Variants in RFX3 observed in about 807,000 individuals in gnomAD.
RFX3 encodes regulatory factor X3.
RFX3 carries 14 observed loss-of-function variants against 98.6 expected under a neutral mutation model. The ratio of observed to expected loss-of-function variants is 0.14; its 90% CI spans 0.09 to 0.22. RFX3 has a LOEUF of 0.22. Among genes scored for constraint, RFX3 ranks in the 10% least tolerant of loss-of-function variants. The pLI is 1.00. For missense variants in RFX3, 639 were observed against 926.9 expected (o/e 0.69, Z 4.03); for synonymous variants, 383 against 328.4 (o/e 1.17, Z -1.80).
At chr9:3,335,844 C>T (rs1037370302) in intron 3 of RFX3, among the ~76,000 whole-genome samples, 3 of 152,052 alleles carry the variant, frequency 2.0e-5, no homozygotes, top group African/African-American at 4.8e-5. Flanking sequence ...TAATTTAGTG[C>T]CATTTGTTTC....
At chr9:3,278,827 G>C (rs1425133754) in intron 7 of RFX3, among the ~76,000 whole-genome samples, 1 of 151,810 alleles carries the variant, frequency 6.6e-6, no homozygotes, top group African/African-American at 2.4e-5. Context: ...AATAAAGTCA[G>C]AGGGGGAAGA....
intron 2 of RFX3, among the ~76,000 whole-genome samples, chr9:3,358,507 T>G (rs1191394207): frequency 6.6e-6 from 1 of 152,126 alleles, no homozygotes; most frequent in Admixed American, 6.6e-5. Flanking sequence ...TAAATACGTC[T>G]CTTGATCACA....
intron 13 of RFX3, among the ~76,000 whole-genome samples, chr9:3,258,366 C>T (rs1020726005): frequency 6.6e-6 from 1 of 152,098 alleles, no homozygotes; most frequent in African/African-American, 2.4e-5. Flanking sequence ...TTCAAATTAA[C>T]AACTTCAACT....
rs1564138983 is a variant in RFX3, at chr9:3,467,133, T to TATATGTATATACATATATATTATGTAC, written c.-9+58613_-9+58614insGTACATAATATATATGTATATACATAT. ...GTATATACATACATATATGTAAGTA[T>TATATGTATATACATATATATTATGTAC]ATATGTATATACATAATATATATGT... On this transcript the variant is annotated intron_variant, in intron 1 of 16. Transcript: ENST00000617270. 4.3e-3 allele frequency among the ~76,000 whole-genome samples: 615 copies of TATATGTATATACATATATATTATGTAC among 142,446 alleles called. 20 individuals carry two copies. Among genetic ancestry groups the TATATGTATATACATATATATTATGTAC allele is most frequent in the African/African-American group, 0.015 (579 of 37,756 alleles). 93.5% of individuals were successfully genotyped at this position (142,446 alleles called of 152,430 possible).
intron 1 of RFX3, chr9:3,469,122 T>C (rs1003649735): frequency 4.4e-6 from 2 of 450,966 alleles, no homozygotes; most frequent in Non-Finnish European, 8.9e-6. Context: ...ATGTTACAGA[T>C]GATCAAGGGA....
At chr9:3,243,613 T>C (rs1466812722) in intron 15 of RFX3, among the ~76,000 whole-genome samples, 1 of 152,212 alleles carries the variant, frequency 6.6e-6, no homozygotes, top group Admixed American at 6.5e-5. Context: ...GCTCAAATAA[T>C]GTAAGTAATG....
intron 2 of RFX3, among the ~76,000 whole-genome samples, chr9:3,378,861 T>C (rs1192402867): frequency 6.6e-6 from 1 of 152,122 alleles, no homozygotes; most frequent in African/African-American, 2.4e-5. Flanking sequence ...CGGCCTTCTT[T>C]CTCATATTCT....
chr9:3,250,223 A>C (rs1023865916), intron 14 of RFX3, among the ~76,000 whole-genome samples: 1 of 152,050 alleles, frequency 6.6e-6, no homozygotes, highest in Non-Finnish European at 1.5e-5. Context: ...ACTAACAAAG[A>C]CTTGAAATAA....
At chr9:3,515,230 A>G (rs1482950292) in intron 1 of RFX3, among the ~76,000 whole-genome samples, 1 of 152,200 alleles carries the variant, frequency 6.6e-6, no homozygotes, top group East Asian at 1.9e-4. Flanking sequence ...AAATTTGTGC[A>G]TGACTAAATC....
At chr9:3,448,750 C>G (rs1440140393) in intron 1 of RFX3, among the ~76,000 whole-genome samples, 1 of 152,152 alleles carries the variant, frequency 6.6e-6, no homozygotes, top group Admixed American at 6.5e-5. Flanking sequence ...AAACGCCTGG[C>G]CTCAAGTGAT....
At chr9:3,249,238 T>C (rs1183860196) in intron 14 of RFX3, among the ~76,000 whole-genome samples, 3 of 152,150 alleles carry the variant, frequency 2.0e-5, no homozygotes, top group Non-Finnish European at 4.4e-5. Flanking sequence ...GTTTTCTGTT[T>C]CATTTTTCAA....
intron 1 of RFX3, among the ~76,000 whole-genome samples, chr9:3,417,536 T>C (rs1843085695): frequency 6.6e-6 from 1 of 152,058 alleles, no homozygotes; most frequent in Non-Finnish European, 1.5e-5. Context: ...GCAAATCAAA[T>C]ATTTGGAAAC....
intron 16 of RFX3, among the ~76,000 whole-genome samples, chr9:3,228,474 C>T (rs550378378): frequency 1.2e-4 from 19 of 152,216 alleles, no homozygotes; most frequent in Admixed American, 3.3e-4. Flanking sequence ...GTAGGTGAGC[C>T]GAGGAATCTT....
intron 1 of RFX3, among the ~76,000 whole-genome samples, chr9:3,454,169 T>A (rs1252450372): frequency 6.6e-6 from 1 of 152,218 alleles, no homozygotes; most frequent in African/African-American, 2.4e-5. Flanking sequence ...CAGTATATTT[T>A]ACCCTGATTT....
At chr9:3,418,582 G>C (rs576358313) in intron 1 of RFX3, among the ~76,000 whole-genome samples, 1 of 152,214 alleles carries the variant, frequency 6.6e-6, no homozygotes, top group South Asian at 2.1e-4. Context: ...GTTTCACCAA[G>C]TTGGCCAGGC....
intron 5 of RFX3, among the ~76,000 whole-genome samples, chr9:3,298,627 G>A (rs1029522952): frequency 6.6e-6 from 1 of 151,740 alleles, no homozygotes; most frequent in South Asian, 2.1e-4. Context: ...TATTAGAGAT[G>A]CTGGTACTAA....
chr9:3,299,180 C>T (rs1373715268), intron 5 of RFX3, among the ~76,000 whole-genome samples: 1 of 151,676 alleles, frequency 6.6e-6, no homozygotes, highest in Non-Finnish European at 1.5e-5. Flanking sequence ...CATCTCTCCA[C>T]TGAAAAAATT....
intron 1 of RFX3, among the ~76,000 whole-genome samples, chr9:3,397,103 G>C (rs1005867596): frequency 2.0e-5 from 3 of 152,180 alleles, no homozygotes; most frequent in Non-Finnish European, 2.9e-5. Flanking sequence ...ACAAAGACAT[G>C]TACTTTCTCT....
chr9:3,280,232 T>A (rs1825759859), intron 7 of RFX3, among the ~76,000 whole-genome samples: 1 of 151,656 alleles, frequency 6.6e-6, no homozygotes, highest in African/African-American at 2.4e-5. Context: ...AGGGACAAAG[T>A]TTAGGATGGG....
Sources: gnomAD v4.1 joint callset for allele counts (sites outside exome capture counted in the v4.1 genomes callset) on GRCh38, gnomAD v4.1.1 for gene constraint, MANE v1.5 for transcripts, NCBI Gene and HGNC (gene_info 2026-07-23, HGNC 2026-07-21) for gene names.